Variants in PCDHGA3 observed in about 807,000 individuals in gnomAD.
PCDHGA3 encodes the protein protocadherin gamma subfamily A, 3.
A neutral mutation model predicts 58.5 loss-of-function variants in PCDHGA3; 40 were observed. The observed-to-expected ratio is 0.68, with a 90% CI of 0.53 to 0.89. The LOEUF (loss-of-function observed/expected upper bound fraction) is 0.89. PCDHGA3 is among the 40% of genes least tolerant of loss of function. The probability of loss-of-function intolerance (pLI) is 0.00; values close to 1 mark genes in which losing one functional copy is unlikely to be tolerated. For synonymous variants in PCDHGA3, 530 were observed against 525.7 expected, an observed-to-expected ratio of 1.01 and a Z score of -0.11; for missense variants, 1,223 against 1,195.9, an observed-to-expected ratio of 1.02 and a Z score of -0.33.
chr5:141,419,426 G>A (rs753089031), intron 1 of PCDHGA3: 19 of 1,613,194 alleles, frequency 1.2e-5, no homozygotes, highest in Non-Finnish European at 1.5e-5. Context: ...CTTCGACCAC[G>A]AGCAGCTGCG....
rs1036281905 is a variant in PCDHGA3 at position 141,493,555 on chromosome 5, T to A, written c.2425-1252T>A. Among the ~76,000 whole-genome samples, 3 of 152,012 alleles carry A rather than the reference T, an allele frequency of 2.0e-5. No individual in the cohort carries two copies. ...GCCAGTTATCCTTTTGGAGATTGAG[T>A]TCCCCCAGCTCCGTTTCCTCCTATC... On this transcript the variant is annotated intron_variant, in intron 1 of 3. Transcript: ENST00000253812. The surrounding 1 kb of genome is among the most constrained non-coding windows in gnomAD (Gnocchi z 4.3).
At chr5:141,350,953 T>C in intron 1 of PCDHGA3, 1 of 1,614,052 alleles carries the variant, frequency 6.2e-7, no homozygotes, top group Non-Finnish European at 8.5e-7. Context: ...GAGTTACGGA[T>C]GCCAATGATA....
intron 1 of PCDHGA3, chr5:141,392,803 G>A: frequency 6.4e-7 from 1 of 1,573,156 alleles, no homozygotes. Context: ...GGATTCTGCA[G>A]CAAAACAACA....
intron 1 of PCDHGA3, chr5:141,383,089 GT>G: frequency 1.2e-6 from 2 of 1,613,932 alleles, no homozygotes; most frequent in Non-Finnish European, 1.7e-6. Context: ...GGAGCGCGGA[GT>G]CCGCATCATC....
intron 1 of PCDHGA3, among the ~76,000 whole-genome samples, chr5:141,472,243 T>A (rs1276064128): frequency 6.6e-6 from 1 of 152,190 alleles, no homozygotes; most frequent in East Asian, 1.9e-4. Context: ...TCACTTTCTA[T>A]TTTAAAGTTA....
chr5:141,412,975 C>G (rs1221821871), intron 1 of PCDHGA3: 3 of 532,642 alleles, frequency 5.6e-6, no homozygotes, highest in Non-Finnish European at 9.7e-6. Flanking sequence ...AGAGAAAACG[C>G]AGCCAGAGCT....
At position 141,486,827 on chromosome 5, in the gene PCDHGA3, C is replaced by G. The variant is rs758132181; in HGVS notation, c.2425-7980C>G. 1.2e-6 allele frequency: 2 copies of G among 1,614,228 alleles called. No homozygotes were observed. Among genetic ancestry groups the G allele is most frequent in the Admixed American group, 1.7e-5 (1 of 60,034 alleles). On this transcript the variant is annotated intron_variant, in intron 1 of 3. Transcript: ENST00000253812. This position sits in a 1 kb window ranked among gnomAD's most constrained non-coding sequence, Gnocchi z 5.0. ...ACCCCTTAGCAGCACTGTAACAGTTCGTCTATTTGTGCTGGACCTCAATGA... is the reference window on the plus strand; with the variant it reads ...ACCCCTTAGCAGCACTGTAACAGTTGGTCTATTTGTGCTGGACCTCAATGA...
intron 1 of PCDHGA3, chr5:141,355,294 C>T (rs1458136342): frequency 6.2e-7 from 1 of 1,613,896 alleles, no homozygotes; most frequent in East Asian, 2.2e-5. Flanking sequence ...CGAACAGATT[C>T]TCTACTCGGT....
At chr5:141,510,509 C>G (rs146315792) in intron 3 of PCDHGA3, among the ~76,000 whole-genome samples, 13 of 152,204 alleles carry the variant, frequency 8.5e-5, no homozygotes, top group Non-Finnish European at 1.6e-4. Flanking sequence ...ACTGAGAGCC[C>G]GTGTCACAGC....
intron 1 of PCDHGA3, chr5:141,374,290 A>G: frequency 6.2e-7 from 1 of 1,613,934 alleles, no homozygotes; most frequent in South Asian, 1.1e-5. Context: ...TCGTCTCCAG[A>G]GGTAGGATGC....
chr5:141,456,178 A>G (rs1216202318), intron 1 of PCDHGA3, among the ~76,000 whole-genome samples: 1 of 151,926 alleles, frequency 6.6e-6, no homozygotes, highest in African/African-American at 2.4e-5. Context: ...ATTACAGAAT[A>G]ATTTCTTAAT....
Position 141,344,177 on chromosome 5 carries a change from C to A in PCDHGA3, c.144C>A (p.Ile48=). 1 of 1,614,030 alleles carries A rather than the reference C, an allele frequency of 6.2e-7. No homozygotes were observed. The highest frequency in any genetic ancestry group is 8.5e-7 in the Non-Finnish European group (1 of 1,179,894). ...ATAAAGGTTCCTTCGTGGGCAACAT[C>A]GCTAACGACCTGGGGCTAGAGCCCC... ...ELDKGSFVGN[I]ANDLGLEPRE... Residue 48 remains isoleucine, a synonymous_variant, in exon 1 of 4, where the codon ATC becomes ATA. Coordinates refer to ENST00000253812, the MANE Select transcript of PCDHGA3 (RefSeq NM_018916.4).
intron 1 of PCDHGA3, among the ~76,000 whole-genome samples, chr5:141,444,714 CTTGGTGCCT>C (rs2098445168): frequency 6.6e-6 from 1 of 152,122 alleles, no homozygotes; most frequent in Non-Finnish European, 1.5e-5. Context: ...GTTGAATTTG[CTTGGTGCCT>C]TTGTTGAAAG....
At chr5:141,389,528 G>T (rs200792478) in intron 1 of PCDHGA3, 2 of 1,613,210 alleles carry the variant, frequency 1.2e-6, no homozygotes, top group Non-Finnish European at 1.7e-6. Flanking sequence ...GCCTGCGCGT[G>T]TTAGTGGACG....
At chr5:141,473,735 A>G (rs529416084) in intron 1 of PCDHGA3, among the ~76,000 whole-genome samples, 75 of 152,352 alleles carry the variant, frequency 4.9e-4, no homozygotes, top group African/African-American at 1.6e-3. Context: ...GAGAGGGAGA[A>G]GACATGAGAA....
intron 1 of PCDHGA3, among the ~76,000 whole-genome samples, chr5:141,373,465 A>G (rs2150023959): frequency 6.6e-6 from 1 of 152,348 alleles, no homozygotes; most frequent in Non-Finnish European, 1.5e-5. Flanking sequence ...AGCAGCTGCA[A>G]TGAGCTATAA....
chr5:141,422,871 G>A (rs769543752), intron 1 of PCDHGA3: 1 of 1,614,216 alleles, frequency 6.2e-7, no homozygotes, highest in Admixed American at 1.7e-5. Context: ...GCAACGTGTC[G>A]CTGAGCCTGT....
Position 141,344,124 on chromosome 5 carries a change from A to G in PCDHGA3, c.91A>G (p.Ile31Val), listed in dbSNP as rs756088193. Reference sequence around the variant, plus strand: ...GCTGTGCGAAACAGGATCCGGTCAGATCCGCTACTCGGTGTCTGAGGAGCT... The same window carrying G: ...GCTGTGCGAAACAGGATCCGGTCAGGTCCGCTACTCGGTGTCTGAGGAGCT... Reference protein sequence around the residue: ...GTLCETGSGQIRYSVSEELDK... With the variant: ...GTLCETGSGQVRYSVSEELDK... Residue 31 changes from isoleucine (I) to valine (V), a missense_variant, in exon 1 of 4, where the codon ATC (isoleucine) becomes GTC (valine). Coordinates refer to ENST00000253812, the MANE Select transcript of PCDHGA3 (RefSeq NM_018916.4). 15 of 1,613,910 alleles carry G rather than the reference A, an allele frequency of 9.3e-6. No individual in the cohort carries two copies. Among genetic ancestry groups the G allele is most frequent in the Non-Finnish European group, 1.1e-5 (13 of 1,179,904 alleles).
chr5:141,468,300 G>C (rs2099162063), intron 1 of PCDHGA3, among the ~76,000 whole-genome samples: 1 of 146,430 alleles, frequency 6.8e-6, no homozygotes, highest in Non-Finnish European at 1.5e-5. Flanking sequence ...ACCCCAGCCT[G>C]GGCAACAAGA....
Sources: allele counts gnomAD v4.1 joint callset (sites outside exome capture counted in the v4.1 genomes callset), GRCh38; gene constraint gnomAD v4.1.1; non-coding constraint Gnocchi (gnomAD v3.1); transcripts MANE v1.5; gene names NCBI Gene and HGNC (gene_info 2026-07-23, HGNC 2026-07-21).